SMAD4: variants seen among roughly 807,000 people sequenced by gnomAD.
SMAD4 encodes MAD homolog 4.
A neutral mutation model predicts 63.2 loss-of-function variants in SMAD4; 7 were observed. That is an observed-to-expected ratio of 0.11 (90% CI 0.06 to 0.21). The LOEUF is 0.21. Among genes scored for constraint, SMAD4 ranks in the 10% least tolerant of loss-of-function variants. The probability of loss-of-function intolerance (pLI) is 1.00; values close to 1 mark genes in which losing one functional copy is unlikely to be tolerated. For missense variants in SMAD4, 312 were observed against 693.8 expected, an observed-to-expected ratio of 0.45 and a Z score of 6.18; for synonymous variants, 215 against 235.4, an observed-to-expected ratio of 0.91 and a Z score of 0.79.
chr18:51,058,909 T>G (rs540839146), intron 7 of SMAD4, among the ~76,000 whole-genome samples: 19 of 152,196 alleles, frequency 1.2e-4, no homozygotes, highest in Non-Finnish European at 8.8e-5. Context: ...ACAGATAACA[T>G]GTAGTTTCAG....
intron 10 of SMAD4, among the ~76,000 whole-genome samples, chr18:51,074,603 G>A (rs1179876875): frequency 6.6e-6 from 1 of 152,124 alleles, no homozygotes; most frequent in Non-Finnish European, 1.5e-5. Context: ...TGGGTGTGGG[G>A]ACAGGGACTC....
At chr18:51,051,222 T>C (rs76642607) in intron 4 of SMAD4, 5,247 of 342,410 alleles carry the variant, frequency 0.015, 295 homozygotes, top group African/African-American at 0.1. Context: ...TCTAAAATTA[T>C]TGATGCACTG....
intron 4 of SMAD4, chr18:51,053,016 T>C (rs1308952647): frequency 2.6e-5 from 4 of 152,278 alleles, no homozygotes; most frequent in Admixed American, 2.6e-4. Context: ...AAGAGATCTG[T>C]AGACCAGTAG....
chr18:51,049,411 G>C, intron 4 of SMAD4, 87 bp downstream of exon 4: 1 of 949,228 alleles, frequency 1.1e-6, no homozygotes, highest in Non-Finnish European at 1.7e-6. Flanking sequence ...TTGTGTGAGC[G>C]GCAGGCAGTA....
Position 51,082,243 on chromosome 18 carries a change from T to C in SMAD4, c.*3776T>C, listed in dbSNP as rs1910628229. The C allele has an allele frequency of 4.4e-6, 1 of 229,682 alleles. No homozygotes were observed. The highest frequency in any genetic ancestry group is 6.2e-5 in the East Asian group (1 of 16,046). 14.2% of individuals were successfully genotyped at this position (229,682 alleles called of 1,614,324 possible). A position where few individuals can be genotyped will look rare whatever the true frequency, so the allele number is the denominator to read the frequency against. ...ATTTTTTTTTCCCGTAAAGGCAGAA[T>C]CCATCTTGTTGCAGATAGCTATCTA... On this transcript the variant is annotated 3_prime_UTR_variant, in exon 12 of 12. Coordinates refer to ENST00000342988, the MANE Select transcript of SMAD4 (RefSeq NM_005359.6).
rs762480216 is a variant in SMAD4 at position 51,079,648 on chromosome 18, A to G, written c.*1181A>G. 5 of 233,370 alleles carry G rather than the reference A, an allele frequency of 2.1e-5. No homozygotes were observed. Among genetic ancestry groups the G allele is most frequent in the Non-Finnish European group, 3.4e-5 (4 of 117,960 alleles). 14.5% of individuals were successfully genotyped at this position (233,370 alleles called of 1,614,324 possible). A position where few individuals can be genotyped will look rare whatever the true frequency, so the allele number is the denominator to read the frequency against. Reference sequence around the variant, plus strand: ...TCTAAGCCCTTTGCCATCAATGATCATATCAATTGGCAGTGACTTTGTATA... The same window carrying G: ...TCTAAGCCCTTTGCCATCAATGATCGTATCAATTGGCAGTGACTTTGTATA... On this transcript the variant is annotated 3_prime_UTR_variant, in exon 12 of 12. Transcript: ENST00000342988.
chr18:51,040,146 C>T (rs557829970), intron 1 of SMAD4, among the ~76,000 whole-genome samples: 26 of 152,128 alleles, frequency 1.7e-4, no homozygotes, highest in African/African-American at 4.8e-4. Context: ...AGCACTTTTG[C>T]GCCGGGCATG....
chr18:51,081,122 A>G lies in SMAD4; in HGVS notation c.*2655A>G, dbSNP rs1234898848. On this transcript the variant is annotated 3_prime_UTR_variant, in exon 12 of 12. Transcript: ENST00000342988. ...ATATTTCTATTTCTTAGTGGTAGTC[A>G]TCTTTGATGAATAAGACTAAAGATT... 9.1e-6 allele frequency: 2 copies of G among 219,220 alleles called. No homozygotes were observed. The highest frequency in any genetic ancestry group is 4.5e-5 in the African/African-American group (2 of 44,592). 13.6% of individuals were successfully genotyped at this position (219,220 alleles called of 1,614,324 possible).
chr18:51,050,872 A>G (rs1187375872), intron 4 of SMAD4, among the ~76,000 whole-genome samples: 1 of 151,760 alleles, frequency 6.6e-6, no homozygotes. Flanking sequence ...ATGGAGGAAG[A>G]CTCACTGCCT....
At chr18:51,075,522 G>C (rs1910449615) in intron 10 of SMAD4, among the ~76,000 whole-genome samples, 1 of 152,158 alleles carries the variant, frequency 6.6e-6, no homozygotes, top group Non-Finnish European at 1.5e-5. Flanking sequence ...TTCAGAACCT[G>C]TCCTTGTTCT....
At chr18:51,054,509 G>A (rs1025380740) in intron 4 of SMAD4, 8 of 427,946 alleles carry the variant, frequency 1.9e-5, no homozygotes, top group African/African-American at 1.2e-4. Context: ...ACCTTTTTAG[G>A]ATTGTTGCTG....
In SMAD4 at chr18:51,084,016, A is replaced by G. The variant is rs777856072; in HGVS notation, c.*5549A>G. ...CGCGCGTGCGCACGCGCGCGCGCACACACACACACACACACACACACACAC... is the reference window on the plus strand; with the variant it reads ...CGCGCGTGCGCACGCGCGCGCGCACGCACACACACACACACACACACACAC... On this transcript the variant is annotated 3_prime_UTR_variant, in exon 12 of 12. Coordinates refer to ENST00000342988, the MANE Select transcript of SMAD4 (RefSeq NM_005359.6). The G allele has an allele frequency of 9.6e-3, 808 of 84,488 alleles. 4 individuals carry two copies. The East Asian group carries it at 0.11, about 11-fold the overall frequency. The allele number at this position is 84,488 out of a possible 1,614,324, so 5.2% of individuals were successfully genotyped here. A position where few individuals can be genotyped will look rare whatever the true frequency, so the allele number is the denominator to read the frequency against.
intron 4 of SMAD4, chr18:51,049,677 A>T (rs1326168608): frequency 1.2e-5 from 3 of 240,608 alleles, no homozygotes; most frequent in Non-Finnish European, 2.4e-5. Context: ...AATACCCAGA[A>T]TATTTGGTAA....
chr18:51,043,968 T>C (rs1376642554), intron 1 of SMAD4, among the ~76,000 whole-genome samples: 1 of 152,188 alleles, frequency 6.6e-6, no homozygotes, highest in Non-Finnish European at 1.5e-5. Flanking sequence ...TGCTGGGAAT[T>C]TCTAAAATGA....
chr18:51,043,127 T>G (rs1348091632), intron 1 of SMAD4, among the ~76,000 whole-genome samples: 2 of 152,216 alleles, frequency 1.3e-5, no homozygotes, highest in Admixed American at 1.3e-4. Flanking sequence ...TTTCAAAATA[T>G]GTTTAAGTAG....
At chr18:51,065,647 G>A (rs781689800) in intron 9 of SMAD4, 41 bp downstream of exon 9, 40 of 1,517,898 alleles carry the variant, frequency 2.6e-5, no homozygotes, top group Middle Eastern at 3.4e-4. Context: ...AAAAAATTGA[G>A]CATAGTACAT....
intron 8 of SMAD4, among the ~76,000 whole-genome samples, chr18:51,062,869 T>TTTTTG (rs1910055408): frequency 7.2e-6 from 1 of 139,424 alleles, no homozygotes; most frequent in Non-Finnish European, 1.6e-5. Context: ...TTTTTTTTTT[T>TTTTTG]TTTTTTGAGA....
chr18:51,050,085 C>G (rs117731981), intron 4 of SMAD4, among the ~76,000 whole-genome samples: 4 of 152,208 alleles, frequency 2.6e-5, no homozygotes, highest in South Asian at 4.1e-4. Context: ...CAGCCAGGCA[C>G]GGTGGTTCAC....
At chr18:51,058,586 C>T (rs1909910964) in intron 7 of SMAD4, 130 bp downstream of exon 7, 1 of 700,436 alleles carries the variant, frequency 1.4e-6, no homozygotes, top group Non-Finnish European at 2.5e-6. Context: ...TAGTGCTTTT[C>T]AGTATTTTTT....
Sources: allele counts gnomAD v4.1 joint callset (sites outside exome capture counted in the v4.1 genomes callset), GRCh38; gene constraint gnomAD v4.1.1; transcripts MANE v1.5; gene names NCBI Gene and HGNC (gene_info 2026-07-23, HGNC 2026-07-21).